Variants in MGMT observed in about 807,000 individuals in gnomAD.
MGMT encodes O-6-methylguanine-DNA methyltransferase, also known as methylated-DNA--protein-cysteine methyltransferase.
Under a neutral mutation model 15.9 loss-of-function variants are expected in MGMT, and 14 were observed. That is an observed-to-expected ratio of 0.88 (90% CI 0.58 to 1.37). The LOEUF is 1.37. MGMT is among the 40% of genes most tolerant of loss of function. MGMT has a pLI of 0.00. For synonymous variants in MGMT, 130 were observed against 118.2 expected (o/e 1.10, Z -0.65); for missense variants, 282 against 268.1 (o/e 1.05, Z -0.36).
chr10:129,697,954 A>G (rs1848051007), intron 2 of MGMT, among the ~76,000 whole-genome samples: 1 of 152,166 alleles, frequency 6.6e-6, no homozygotes, highest in Non-Finnish European at 1.5e-5. Context: ...TTCCTTGGAA[A>G]ACTCCAGTGG....
At chr10:129,746,636 C>G (rs1034377809) in intron 3 of MGMT, among the ~76,000 whole-genome samples, 4 of 152,114 alleles carry the variant, frequency 2.6e-5, no homozygotes, top group African/African-American at 9.7e-5. Flanking sequence ...TTCAGTAGGT[C>G]TATTTTGGAA....
At chr10:129,698,591 GTTCACTGC>G (rs1252967970) in intron 2 of MGMT, among the ~76,000 whole-genome samples, 4 of 152,188 alleles carry the variant, frequency 2.6e-5, no homozygotes, top group Non-Finnish European at 5.9e-5. Flanking sequence ...AAGCAGCTCT[GTTCACTGC>G]CGTGGTGGTG....
intron 3 of MGMT, among the ~76,000 whole-genome samples, chr10:129,758,920 G>A (rs768077009): frequency 4.5e-4 from 69 of 152,340 alleles, no homozygotes; most frequent in Non-Finnish European, 8.4e-4. Flanking sequence ...AGTGGCACAC[G>A]CAACCCCACG....
At chr10:129,491,498 A>C (rs916719442) in intron 1 of MGMT, among the ~76,000 whole-genome samples, 3 of 151,964 alleles carry the variant, frequency 2.0e-5, no homozygotes, top group Non-Finnish European at 4.4e-5. Context: ...TCTATTGGCA[A>C]ATTCTTGACC....
chr10:129,562,856 A>G (rs1235439561), intron 2 of MGMT, among the ~76,000 whole-genome samples: 3 of 152,194 alleles, frequency 2.0e-5, no homozygotes, highest in Middle Eastern at 3.2e-3. Flanking sequence ...GTCCTCAGTT[A>G]TTTCGTCTTC....
At chr10:129,515,790 G>A (rs1252100730) in intron 1 of MGMT, among the ~76,000 whole-genome samples, 1 of 152,160 alleles carries the variant, frequency 6.6e-6, no homozygotes, top group Non-Finnish European at 1.5e-5. Context: ...CTTAGCGGGA[G>A]TAATTACCCA....
intron 1 of MGMT, among the ~76,000 whole-genome samples, chr10:129,482,064 G>A (rs192376809): frequency 2.6e-5 from 4 of 152,236 alleles, no homozygotes; most frequent in African/African-American, 9.6e-5. Context: ...TCTAAGCACT[G>A]CTTTAGGTGT....
chr10:129,616,799 C>T (rs144804806), intron 2 of MGMT, among the ~76,000 whole-genome samples: 141 of 152,250 alleles, frequency 9.3e-4, no homozygotes, highest in African/African-American at 3.3e-3. Flanking sequence ...CCACTGTCTC[C>T]TTTCTACTTG....
In MGMT at chr10:129,766,939, G is replaced by A. The variant is rs781760384; in HGVS notation, c.566G>A (p.Gly189Glu). 3 of 1,613,022 alleles carry A rather than the reference G, an allele frequency of 1.9e-6. No individual in the cohort carries two copies. In the African/African-American group the frequency reaches 4.0e-5, roughly 22 times the overall value. Residue 189 changes from glycine (G) to glutamate (E), a missense_variant, in exon 5 of 5, where the codon GGG becomes GAG. Coordinates refer to ENST00000651593, the MANE Select transcript of MGMT (RefSeq NM_002412.5). Reference sequence around the variant, plus strand: ...TTGGGAGGGAGCTCAGGTCTGGCAGGGGCCTGGCTCAAGGGAGCGGGAGCT... The same window carrying A: ...TTGGGAGGGAGCTCAGGTCTGGCAGAGGCCTGGCTCAAGGGAGCGGGAGCT... ...PGLGGSSGLA[G>E]AWLKGAGATS...
At chr10:129,678,981 G>A (rs1847817197) in intron 2 of MGMT, among the ~76,000 whole-genome samples, 1 of 151,922 alleles carries the variant, frequency 6.6e-6, no homozygotes, top group Non-Finnish European at 1.5e-5. Context: ...GCTGAGGTGG[G>A]AGGATCGCTT....
intron 3 of MGMT, among the ~76,000 whole-genome samples, chr10:129,715,228 GTAAT>G (rs1848280284): frequency 1.3e-5 from 2 of 152,332 alleles, no homozygotes; most frequent in Middle Eastern, 3.4e-3. Context: ...CTCTGGTGAA[GTAAT>G]TAAACAGTAA....
intron 2 of MGMT, among the ~76,000 whole-genome samples, chr10:129,676,857 G>A (rs1417524940): frequency 2.6e-5 from 4 of 152,076 alleles, no homozygotes; most frequent in Admixed American, 2.0e-4. Flanking sequence ...GCATAAAGCA[G>A]TAAATCACAG....
At chr10:129,479,395 T>G (rs1219899038) in intron 1 of MGMT, among the ~76,000 whole-genome samples, 1 of 152,028 alleles carries the variant, frequency 6.6e-6, no homozygotes, top group Non-Finnish European at 1.5e-5. Context: ...GATTTTTTTT[T>G]GTCTTTCATC....
At chr10:129,683,141 G>A (rs1025286974) in intron 2 of MGMT, among the ~76,000 whole-genome samples, 1 of 152,214 alleles carries the variant, frequency 6.6e-6, no homozygotes, top group African/African-American at 2.4e-5. Context: ...GAGCCACCAC[G>A]CCCAGCCCAT....
chr10:129,494,374 C>T (rs758923879), intron 1 of MGMT, among the ~76,000 whole-genome samples: 24 of 152,178 alleles, frequency 1.6e-4, no homozygotes, highest in Non-Finnish European at 2.9e-4. Flanking sequence ...CTCAAGCTTC[C>T]CTGGGGCTTA....
Position 129,687,226 on chromosome 10 carries a change from G to A in MGMT, c.126-20669G>A, listed in dbSNP as rs527981797. Among the ~76,000 whole-genome samples the A allele has an allele frequency of 7.3e-4, 76 of 104,672 alleles. 1 individual carries two copies. In the South Asian group the frequency reaches 0.022, roughly 31 times the overall value. The allele number at this position is 104,672 out of a possible 152,430, so 68.7% of individuals were successfully genotyped here. A position where few individuals can be genotyped will look rare whatever the true frequency, so the allele number is the denominator to read the frequency against. ...TTTCTTTTTGAGATATATATAATAGGGATGAACTTTTATTTCATTTTTCTA... is the reference window on the plus strand; with the variant it reads ...TTTCTTTTTGAGATATATATAATAGAGATGAACTTTTATTTCATTTTTCTA... On this transcript the variant is annotated intron_variant, in intron 2 of 4. Transcript: ENST00000651593.
At chr10:129,577,614 A>G (rs187132901) in intron 2 of MGMT, among the ~76,000 whole-genome samples, 4,940 of 152,338 alleles carry the variant, frequency 0.032, 129 homozygotes, top group South Asian at 0.064. Context: ...ACCATTCAGG[A>G]CATAGGCATG....
chr10:129,522,452 C>T (rs34860789), intron 1 of MGMT, among the ~76,000 whole-genome samples: 8,940 of 152,280 alleles, frequency 0.059, 368 homozygotes, highest in Admixed American at 0.08. Flanking sequence ...GGTGGGTGCC[C>T]GTCCTGGAGC....
At chr10:129,729,930 AAC>A (rs1488825973) in intron 3 of MGMT, among the ~76,000 whole-genome samples, 1 of 152,190 alleles carries the variant, frequency 6.6e-6, no homozygotes, top group African/African-American at 2.4e-5. Flanking sequence ...CATTCCCTGA[AAC>A]ACAGTCAGAC....
Sources: allele counts gnomAD v4.1 joint callset (sites outside exome capture counted in the v4.1 genomes callset), GRCh38; gene constraint gnomAD v4.1.1; transcripts MANE v1.5; gene names NCBI Gene and HGNC (gene_info 2026-07-23, HGNC 2026-07-21).